The following NAA35 variants were observed in gnomAD, a reference collection of about 807,000 sequenced individuals.
NAA35 encodes the protein MAK10 homolog, amino-acid N-acetyltransferase subunit.
A neutral mutation model predicts 101.7 loss-of-function variants in NAA35; 18 were observed. That is an observed-to-expected ratio of 0.18 (90% confidence interval 0.12 to 0.26). NAA35 has a LOEUF of 0.26. Ranked by LOEUF, NAA35 falls within the 10% of genes least tolerant of loss-of-function variation. NAA35 has a pLI of 1.00. For synonymous variants in NAA35, 267 were observed against 273.1 expected (o/e 0.98, Z 0.22); for missense variants, 601 against 886.8 (o/e 0.68, Z 4.09).
chr9:85,998,589 A>G (rs1831279461), intron 12 of NAA35, among the ~76,000 whole-genome samples: 1 of 152,202 alleles, frequency 6.6e-6, no homozygotes, highest in African/African-American at 2.4e-5. Flanking sequence ...AAATATAGAA[A>G]AACAAGGCTC....
Position 86,010,209 on chromosome 9 carries a change from T to A in NAA35, c.1290+278T>A, listed in dbSNP as rs145701381. On this transcript the variant is annotated intron_variant, in intron 15 of 22. Transcript: ENST00000361671. ...GTGAACCAAGATCGTGCCACTGCAC[T>A]GCAGCCTGGGGGACAGAGTGAGACT... is the stretch of plus-strand genomic sequence containing the variant. Among the ~76,000 whole-genome samples, 396 of 152,258 alleles carry A rather than the reference T, an allele frequency of 2.6e-3. 1 individual carries two copies. The highest frequency in any genetic ancestry group is 9.2e-3 in the African/African-American group (384 of 41,544).
chr9:85,942,422 C>A (rs748379325), intron 2 of NAA35, 139 bp downstream of exon 2: 5 of 1,163,120 alleles, frequency 4.3e-6, no homozygotes, highest in Non-Finnish European at 6.1e-6. Flanking sequence ...TATTCTGTAT[C>A]CTCTAATTTT....
At chr9:85,954,592 C>G (rs1829156329) in intron 2 of NAA35, among the ~76,000 whole-genome samples, 1 of 152,140 alleles carries the variant, frequency 6.6e-6, no homozygotes, top group South Asian at 2.1e-4. Context: ...GAATAGTGAT[C>G]ATCAAGGGCA....
In NAA35 at chr9:85,952,354, C is replaced by T. The variant is rs1402307658; in HGVS notation, c.125-4006C>T. Among the ~76,000 whole-genome samples the T allele has an allele frequency of 1.1e-4, 16 of 148,890 alleles. No homozygotes were observed. In the East Asian group the frequency reaches 1.2e-3, roughly 11 times the overall value. On this transcript the variant is annotated intron_variant, in intron 2 of 22. Transcript: ENST00000361671. ...AGACTGGAGTGCAGTGGCGCCATCT[C>T]GGCTCACTACAACTTCTACCTCCTG...
intron 11 of NAA35, among the ~76,000 whole-genome samples, chr9:85,986,107 G>C (rs1257831154): frequency 6.6e-6 from 1 of 152,206 alleles, no homozygotes; most frequent in Admixed American, 6.5e-5. Flanking sequence ...CAAGGCTCTA[G>C]GGAAAATGTC....
chr9:85,946,988 A>G (rs1828796624), intron 2 of NAA35, among the ~76,000 whole-genome samples: 1 of 152,124 alleles, frequency 6.6e-6, no homozygotes, highest in Non-Finnish European at 1.5e-5. Context: ...CACCCAGAAC[A>G]TTTGTAGGTG....
At chr9:85,964,805 G>A (rs535584716) in intron 6 of NAA35, among the ~76,000 whole-genome samples, 112 of 152,238 alleles carry the variant, frequency 7.4e-4, no homozygotes, top group Non-Finnish European at 1.2e-3. Flanking sequence ...GTCTTTCAAT[G>A]GCGATATTAT....
chr9:85,973,597 GGTA>G, intron 6 of NAA35, among the ~76,000 whole-genome samples: 1 of 152,256 alleles, frequency 6.6e-6, no homozygotes, highest in Middle Eastern at 3.4e-3. Flanking sequence ...ACTCTAGATA[GGTA>G]GTAGTGCCAT....
At chr9:85,986,548 C>T (rs993442360) in intron 11 of NAA35, 1 of 419,826 alleles carries the variant, frequency 2.4e-6, no homozygotes, top group South Asian at 1.8e-5. Flanking sequence ...AAGGAGTACT[C>T]TAAGCTTGTT....
intron 21 of NAA35, 128 bp downstream of exon 21, chr9:86,018,949 G>A: frequency 8.3e-7 from 1 of 1,203,658 alleles, no homozygotes; most frequent in Non-Finnish European, 1.1e-6. Context: ...GCGTGTTTCT[G>A]CGAAGGATTT....
At position 86,024,629 on chromosome 9, in the gene NAA35, TGA is replaced by T. The variant is rs1352051811; in HGVS notation, c.*2673_*2674del. Among the ~76,000 whole-genome samples, 1 of 152,136 alleles carries T rather than the reference TGA, an allele frequency of 6.6e-6. No homozygotes were observed. The highest frequency in any genetic ancestry group is 2.4e-5 in the African/African-American group (1 of 41,424). ...GGTACAGCTAATGGGACATGGTGAA[TGA>T]GAGTTTCTGCCAAAATCAAGGATGA... is the stretch of plus-strand genomic sequence containing the variant. On this transcript the variant is annotated 3_prime_UTR_variant, in exon 23 of 23. Coordinates refer to ENST00000361671, the MANE Select transcript of NAA35 (RefSeq NM_024635.4).
Position 86,025,272 on chromosome 9 carries a change from T to C in NAA35, c.*3312T>C, listed in dbSNP as rs1021804951. On this transcript the variant is annotated 3_prime_UTR_variant, in exon 23 of 23. Transcript: ENST00000361671. The stretch of plus-strand genomic sequence containing the variant: ...TAAGAGAAGGACTGAAAAGAGCCCA[T>C]TGAACTTGGCAAGTAAAGATTGCTG... Among the ~76,000 whole-genome samples, 2 of 152,078 alleles carry C rather than the reference T, an allele frequency of 1.3e-5. No homozygotes were observed. Among genetic ancestry groups the C allele is most frequent in the Non-Finnish European group, 2.9e-5 (2 of 68,012 alleles).
intron 21 of NAA35, 103 bp from the exon 22 acceptor site, chr9:86,020,786 T>TA: frequency 1.3e-6 from 1 of 783,216 alleles, no homozygotes; most frequent in South Asian, 1.8e-5. Context: ...GCCGTGTTCT[T>TA]ACCACTGTAC....
chr9:85,947,905 G>A (rs1274577471), intron 2 of NAA35, among the ~76,000 whole-genome samples: 1 of 152,172 alleles, frequency 6.6e-6, no homozygotes, highest in Non-Finnish European at 1.5e-5. Flanking sequence ...CAGTGTGAAT[G>A]GGACCTTTGA....
intron 13 of NAA35, among the ~76,000 whole-genome samples, chr9:86,007,104 AT>A (rs1831678757): frequency 6.6e-6 from 1 of 152,116 alleles, no homozygotes; most frequent in Non-Finnish European, 1.5e-5. Flanking sequence ...TAGTCAGTTT[AT>A]TTTGACTATT....
chr9:85,988,798 A>G (rs955680206), intron 11 of NAA35, among the ~76,000 whole-genome samples: 5 of 143,824 alleles, frequency 3.5e-5, no homozygotes, highest in Admixed American at 6.9e-5. Context: ...CTCCGTCTCG[A>G]AAAAAAAAAA....
At chr9:85,976,580 A>C (rs527827176) in intron 8 of NAA35, 105 bp from the exon 9 acceptor site, 1 of 781,174 alleles carries the variant, frequency 1.3e-6, no homozygotes, top group South Asian at 2.5e-5. Context: ...TTTTCCCCAA[A>C]AACAGATTCT....
intron 1 of NAA35, chr9:85,941,557 G>C: frequency 1.0e-6 from 1 of 985,898 alleles, no homozygotes; most frequent in Non-Finnish European, 1.2e-6. Flanking sequence ...ACCGGGGCTG[G>C]GCTGGGCTGA....
chr9:86,010,913 T>C (rs1274087969), intron 15 of NAA35, among the ~76,000 whole-genome samples: 3 of 151,226 alleles, frequency 2.0e-5, no homozygotes, highest in East Asian at 2.0e-4. Context: ...TGTACACTTA[T>C]CTTTGTATTA....
Sources: allele counts gnomAD v4.1 joint callset (sites outside exome capture counted in the v4.1 genomes callset), GRCh38; gene constraint gnomAD v4.1.1; transcripts MANE v1.5; gene names NCBI Gene and HGNC (gene_info 2026-07-23, HGNC 2026-07-21).